Variants in KLRB1 observed in about 807,000 individuals in gnomAD.
KLRB1 encodes killer cell lectin like receptor B1.
A neutral mutation model predicts 33.5 loss-of-function variants in KLRB1; 27 were observed. The ratio of observed to expected loss-of-function variants is 0.81; its 90% CI spans 0.59 to 1.11. KLRB1 has a LOEUF of 1.11. KLRB1 is among the 50% of genes most tolerant of loss of function. The pLI, the probability that KLRB1 is intolerant of heterozygous loss-of-function variation, is 0.00. For missense variants in KLRB1, 241 were observed against 254.1 expected, an observed-to-expected ratio of 0.95 and a Z score of 0.35; for synonymous variants, 64 against 88.9, an observed-to-expected ratio of 0.72 and a Z score of 1.58.
chr12:9,604,421 C>T (rs1565443582), intron 1 of KLRB1, among the ~76,000 whole-genome samples: 1 of 152,026 alleles, frequency 6.6e-6, no homozygotes, highest in Non-Finnish European at 1.5e-5. Context: ...TTGTTGACTG[C>T]CTTAGACACA....
intron 1 of KLRB1, among the ~76,000 whole-genome samples, chr12:9,603,009 G>A (rs979910511): frequency 2.0e-5 from 3 of 152,092 alleles, no homozygotes; most frequent in Non-Finnish European, 2.9e-5. Context: ...ATTTAGTAGC[G>A]TTAGATGTGA....
chr12:9,606,479 T>C (rs2120725052), intron 1 of KLRB1: 1 of 151,940 alleles, frequency 6.6e-6, no homozygotes, highest in South Asian at 2.1e-4. Context: ...GTTACTGATA[T>C]GCTCGAGTAT....
At chr12:9,607,412 T>TCTTTC (rs1864633014) in intron 1 of KLRB1, among the ~76,000 whole-genome samples, 8 of 145,286 alleles carry the variant, frequency 5.5e-5, no homozygotes, top group Non-Finnish European at 1.1e-4. Context: ...TTCTTTTCTT[T>TCTTTC]CTTTCTTTCT....
At chr12:9,607,634 T>G (rs1398683013) in intron 1 of KLRB1, 121 bp downstream of exon 1, 1 of 684,592 alleles carries the variant, frequency 1.5e-6, no homozygotes, top group African/African-American at 1.8e-5. Flanking sequence ...GCAACACCCG[T>G]TAAACATTAA....
Position 9,595,057 on chromosome 12 carries a change from A to G in KLRB1, c.*217T>C. 5.7e-6 allele frequency: 3 copies of G among 525,726 alleles called. No homozygotes were observed. Among genetic ancestry groups the G allele is most frequent in the Non-Finnish European group, 1.0e-5 (3 of 295,320 alleles). 32.6% of individuals were successfully genotyped at this position (525,726 alleles called of 1,614,324 possible). On this transcript the variant is annotated 3_prime_UTR_variant, in exon 6 of 6. Transcript: ENST00000229402. ...ACCATAGAATATCACTGTTTCTTTA[A>G]AACGATGCACGTTTTTCTCTATGTC...
chr12:9,597,588 AT>A (rs1397040439), intron 5 of KLRB1, among the ~76,000 whole-genome samples: 1 of 152,038 alleles, frequency 6.6e-6, no homozygotes, highest in Non-Finnish European at 1.5e-5. Context: ...ATATACTGCA[AT>A]TTTTGTCACA....
intron 2 of KLRB1, among the ~76,000 whole-genome samples, chr12:9,600,316 C>A (rs1250647544): frequency 1.3e-5 from 2 of 152,064 alleles, no homozygotes; most frequent in Non-Finnish European, 2.9e-5. Context: ...ATATATAATA[C>A]CCCGTGATGA....
intron 1 of KLRB1, among the ~76,000 whole-genome samples, chr12:9,605,082 G>C (rs1311819082): frequency 6.6e-6 from 1 of 152,154 alleles, no homozygotes; most frequent in Non-Finnish European, 1.5e-5. Context: ...GTGAGAATAT[G>C]CGGTGTTTGG....
intron 1 of KLRB1, among the ~76,000 whole-genome samples, chr12:9,607,237 T>G (rs1165965968): frequency 1.3e-5 from 2 of 151,664 alleles, no homozygotes; most frequent in African/African-American, 2.4e-5. Context: ...CCATCCTTCC[T>G]TCCTTCCTCC....
intron 5 of KLRB1, among the ~76,000 whole-genome samples, chr12:9,596,032 T>G (rs113704307): frequency 5.9e-5 from 9 of 152,178 alleles, no homozygotes; most frequent in African/African-American, 2.2e-4. Context: ...CAAACAGACA[T>G]GAGTCCTGTG....
At chr12:9,595,657 ATT>A (rs1332614919) in intron 5 of KLRB1, among the ~76,000 whole-genome samples, 2 of 152,168 alleles carry the variant, frequency 1.3e-5, no homozygotes, top group Non-Finnish European at 2.9e-5. Flanking sequence ...AAACTTCACA[ATT>A]ACATTAAAAA....
chr12:9,599,898 A>G (rs372633139), intron 2 of KLRB1, 57 bp from the exon 3 acceptor site: 55 of 951,076 alleles, frequency 5.8e-5, no homozygotes, highest in Non-Finnish European at 8.7e-5. Flanking sequence ...TGGAGTGGAT[A>G]TATTATATTT....
rs991497393 is a variant in KLRB1, at chr12:9,594,726, T to A, written c.*548A>T. 6.6e-6 allele frequency: 1 copy of A among 151,932 alleles called. No homozygotes were observed. The highest frequency in any genetic ancestry group is 6.6e-5 in the Admixed American group (1 of 15,238). 9.4% of individuals were successfully genotyped at this position (151,932 alleles called of 1,614,324 possible). A position where few individuals can be genotyped will look rare whatever the true frequency, so the allele number is the denominator to read the frequency against. Reference sequence around the variant, plus strand: ...GAAAAGCTGGCTAGGGGCAATAAATTTTCTAGAGGAGTCACTAGGAGATAT... The same window carrying A: ...GAAAAGCTGGCTAGGGGCAATAAATATTCTAGAGGAGTCACTAGGAGATAT... On this transcript the variant is annotated 3_prime_UTR_variant, in exon 6 of 6. Coordinates refer to ENST00000229402, the MANE Select transcript of KLRB1 (RefSeq NM_002258.3).
At chr12:9,597,987 A>T in intron 5 of KLRB1, 59 bp downstream of exon 5, 1 of 785,722 alleles carries the variant, frequency 1.3e-6, no homozygotes, top group Non-Finnish European at 2.1e-6. Flanking sequence ...CAGTGTTACT[A>T]CCTTGCAGTG....
chr12:9,606,492 T>C (rs935291871), intron 1 of KLRB1: 8 of 151,774 alleles, frequency 5.3e-5, no homozygotes, highest in Non-Finnish European at 8.8e-5. Flanking sequence ...TCGAGTATTT[T>C]TGTGGCTTGT....
chr12:9,600,292 A>C (rs1040128373), intron 2 of KLRB1, among the ~76,000 whole-genome samples: 2 of 152,140 alleles, frequency 1.3e-5, no homozygotes, highest in Non-Finnish European at 2.9e-5. Context: ...TTTTTTCAAA[A>C]GTTCTTGGGC....
chr12:9,607,370 T>TTCTCTCTTTCTTTCTC (rs1555097817), intron 1 of KLRB1, among the ~76,000 whole-genome samples: 2 of 86,358 alleles, frequency 2.3e-5, no homozygotes, highest in Non-Finnish European at 5.1e-5. Context: ...CTTTCTTTCT[T>TTCTCTCTTTCTTTCTC]TCTTTCTTTC....
intron 5 of KLRB1, among the ~76,000 whole-genome samples, chr12:9,596,143 G>T (rs987674597): frequency 1.3e-5 from 2 of 152,116 alleles, no homozygotes; most frequent in African/African-American, 4.8e-5. Context: ...TCTCCTATTT[G>T]TCTCAAACGG....
In KLRB1 at chr12:9,595,430, C is replaced by T. The variant is rs984771555; in HGVS notation, c.531-9G>A. On this transcript the variant is annotated splice_polypyrimidine_tract_variant and intron_variant, in intron 5 of 5. Transcript: ENST00000229402. ...CACCTCTAATTTCTAAGCTGTGGAG[C>T]AAAAGAAAAGTCTGTCTTAGCATTT... The T allele has an allele frequency of 1.9e-6, 3 of 1,610,556 alleles. No individual in the cohort carries two copies. In the African/African-American group the frequency reaches 4.0e-5, roughly 22 times the overall value.
Sources: gnomAD v4.1 joint callset for allele counts (sites outside exome capture counted in the v4.1 genomes callset) on GRCh38, gnomAD v4.1.1 for gene constraint, MANE v1.5 for transcripts, NCBI Gene and HGNC (gene_info 2026-07-23, HGNC 2026-07-21) for gene names.